Variants in EFTUD2 observed in about 807,000 individuals in gnomAD.
EFTUD2 encodes the protein 116 kDa U5 small nuclear ribonucleoprotein component.
In EFTUD2, 9 loss-of-function variants were observed where a neutral mutation model predicts 114.3. The observed-to-expected ratio is 0.08, with a 90% CI of 0.05 to 0.14. EFTUD2 has a LOEUF of 0.14. Ranked by LOEUF, EFTUD2 falls within the 10% of genes least tolerant of loss-of-function variation. The pLI is 1.00. For synonymous variants in EFTUD2, 449 were observed against 462.3 expected (o/e 0.97, Z 0.37); for missense variants, 765 against 1,241.2 (o/e 0.62, Z 5.76).
intron 10 of EFTUD2, among the ~76,000 whole-genome samples, chr17:44,874,572 A>T (rs2050912919): frequency 6.6e-6 from 1 of 152,216 alleles, no homozygotes; most frequent in Non-Finnish European, 1.5e-5. Context: ...TTTCAGTAGG[A>T]CGGCCTCCTC....
Position 44,850,885 on chromosome 17 carries a change from G to A in EFTUD2, c.*389C>T, listed in dbSNP as rs1043750721. 75 of 243,640 alleles carry A rather than the reference G, an allele frequency of 3.1e-4. No homozygotes were observed. The highest frequency in any genetic ancestry group is 1.6e-3 in the African/African-American group (74 of 45,544). 15.1% of individuals were successfully genotyped at this position (243,640 alleles called of 1,614,324 possible). On this transcript the variant is annotated 3_prime_UTR_variant, in exon 28 of 28. Transcript: ENST00000426333. ...AAGCACCAGACGGGGCAGGGGAGAC[G>A]AGGATGAAAGGAGCAGAGCAAGACA... is the stretch of plus-strand genomic sequence containing the variant.
intron 2 of EFTUD2, among the ~76,000 whole-genome samples, chr17:44,887,735 A>AT (rs2051200075): frequency 6.6e-6 from 1 of 152,180 alleles, no homozygotes; most frequent in Non-Finnish European, 1.5e-5. Context: ...GATAATGGAA[A>AT]TGTTCTAAAA....
intron 11 of EFTUD2, among the ~76,000 whole-genome samples, chr17:44,869,307 T>C (rs991254169): frequency 1.3e-5 from 2 of 152,172 alleles, no homozygotes; most frequent in Admixed American, 6.5e-5. Context: ...TCACTGAACT[T>C]TTTTTCTTTG....
intron 11 of EFTUD2, among the ~76,000 whole-genome samples, chr17:44,871,936 G>A (rs2050862588): frequency 1.3e-5 from 2 of 152,202 alleles, no homozygotes; most frequent in South Asian, 4.1e-4. Flanking sequence ...CTCACAGTGG[G>A]AATCTGGTCT....
At position 44,850,056 on chromosome 17, in the gene EFTUD2, C is replaced by G; in HGVS notation, c.*1218G>C. On this transcript the variant is annotated 3_prime_UTR_variant, in exon 28 of 28. Coordinates refer to ENST00000426333, the MANE Select transcript of EFTUD2 (RefSeq NM_004247.4). ...CTCAGTTTCCTGATGTGTAACATGACAATAACCACCCCTGGCCTGCCTACC... is the reference window on the plus strand; with the variant it reads ...CTCAGTTTCCTGATGTGTAACATGAGAATAACCACCCCTGGCCTGCCTACC... 1 of 344,032 alleles carries G rather than the reference C, an allele frequency of 2.9e-6. No homozygotes were observed. 21.3% of individuals were successfully genotyped at this position (344,032 alleles called of 1,614,324 possible).
At chr17:44,892,233 ATC>A (rs1374007880) in intron 2 of EFTUD2, 1 of 152,144 alleles carries the variant, frequency 6.6e-6, no homozygotes, top group East Asian at 1.9e-4. Context: ...CCCCTATGTA[ATC>A]TCAGCATTTT....
At chr17:44,855,807 G>A (rs1246957210) in intron 20 of EFTUD2, among the ~76,000 whole-genome samples, 1 of 151,506 alleles carries the variant, frequency 6.6e-6, no homozygotes, top group Non-Finnish European at 1.5e-5. Flanking sequence ...AAATTAGCTG[G>A]GTGTGGTGAC....
intron 13 of EFTUD2, among the ~76,000 whole-genome samples, chr17:44,866,296 G>A (rs1381341443): frequency 6.6e-6 from 1 of 152,208 alleles, no homozygotes; most frequent in Non-Finnish European, 1.5e-5. Context: ...AGGCTGGAAT[G>A]CAGTGGTGTG....
At chr17:44,885,486 G>T in intron 3 of EFTUD2, 152 bp from the exon 4 acceptor site, 1 of 636,292 alleles carries the variant, frequency 1.6e-6, no homozygotes, top group Non-Finnish European at 2.8e-6. Flanking sequence ...AGAAAGTTTT[G>T]GAAATGCTGT....
intron 3 of EFTUD2, 39 bp downstream of exon 3, chr17:44,886,546 T>C: frequency 6.2e-7 from 1 of 1,601,888 alleles, no homozygotes; most frequent in Non-Finnish European, 8.5e-7. Flanking sequence ...TTTCCAGGTT[T>C]CAATTTCACT....
At chr17:44,876,733 G>T (rs1355503194) in intron 9 of EFTUD2, among the ~76,000 whole-genome samples, 1 of 151,762 alleles carries the variant, frequency 6.6e-6, no homozygotes, top group Non-Finnish European at 1.5e-5. Context: ...GGCACCTGTA[G>T]TCCCAGCTAC....
chr17:44,880,443 T>G, intron 8 of EFTUD2, 111 bp downstream of exon 8: 2 of 702,084 alleles, frequency 2.8e-6, no homozygotes, highest in Non-Finnish European at 2.4e-6. Flanking sequence ...TCAATGAAGG[T>G]GAGGGAATGT....
chr17:44,874,535 G>A (rs1018852746), intron 10 of EFTUD2, among the ~76,000 whole-genome samples: 2 of 152,156 alleles, frequency 1.3e-5, no homozygotes, highest in African/African-American at 2.4e-5. Context: ...TAAATGGAGA[G>A]GCATTCTTTC....
rs2050412808 is a variant in EFTUD2 at position 44,850,105 on chromosome 17, C to T, written c.*1169G>A. The stretch of plus-strand genomic sequence containing the variant: ...CCTTGCAGGCTGCTGTGAGGTTTCT[C>T]AGATACACAATACATGTGAAAGTGT... On this transcript the variant is annotated 3_prime_UTR_variant, in exon 28 of 28. Coordinates refer to ENST00000426333, the MANE Select transcript of EFTUD2 (RefSeq NM_004247.4). The T allele has an allele frequency of 4.3e-6, 2 of 466,016 alleles. No homozygotes were observed. The highest frequency in any genetic ancestry group is 6.6e-5 in the Admixed American group (2 of 30,118). 28.9% of individuals were successfully genotyped at this position (466,016 alleles called of 1,614,324 possible). A position where few individuals can be genotyped will look rare whatever the true frequency, so the allele number is the denominator to read the frequency against.
rs202167305 is a variant in EFTUD2 at position 44,851,331 on chromosome 17, A to G, written c.2862T>C (p.Asp954=). The G allele has an allele frequency of 1.1e-4, 182 of 1,614,192 alleles. 1 individual carries two copies. The East Asian group carries it at 3.6e-3, about 32-fold the overall frequency. ...SEDVSISKFF[D]DPMLLELAKQ... Reference sequence around the variant, plus strand: ...TGGCAAGTTCCAGCAACATAGGATCATCGAAGAATTTGCTGATGCTCACAT... The same window carrying G: ...TGGCAAGTTCCAGCAACATAGGATCGTCGAAGAATTTGCTGATGCTCACAT... The change falls in exon 28 of 28, where the codon GAT becomes GAC. Residue 954 remains aspartate (D), a synonymous_variant. Transcript: ENST00000426333.
chr17:44,857,249 C>T, intron 19 of EFTUD2, 92 bp from the exon 20 acceptor site: 3 of 1,081,828 alleles, frequency 2.8e-6, no homozygotes, highest in Non-Finnish European at 4.2e-6. Context: ...TCCCTTGACA[C>T]TACCTCTGTG....
intron 2 of EFTUD2, among the ~76,000 whole-genome samples, chr17:44,887,923 AC>A (rs1282165925): frequency 6.6e-6 from 1 of 152,248 alleles, no homozygotes; most frequent in Non-Finnish European, 1.5e-5. Flanking sequence ...TAAGGTGGCC[AC>A]CAGATCACCC....
chr17:44,867,285 C>A (rs188424936), intron 13 of EFTUD2, among the ~76,000 whole-genome samples: 22 of 151,276 alleles, frequency 1.5e-4, no homozygotes, highest in Admixed American at 1.5e-3. Context: ...CATACCTTTT[C>A]CCTTTCCTTT....
chr17:44,875,394 G>T (rs71373522), intron 10 of EFTUD2, among the ~76,000 whole-genome samples: 1 of 152,054 alleles, frequency 6.6e-6, no homozygotes, highest in East Asian at 1.9e-4. Context: ...GCCGGGCGTG[G>T]TGACGGGTGC....
Sources: gnomAD v4.1 joint callset for allele counts (sites outside exome capture counted in the v4.1 genomes callset) on GRCh38, gnomAD v4.1.1 for gene constraint, MANE v1.5 for transcripts, NCBI Gene and HGNC (gene_info 2026-07-23, HGNC 2026-07-21) for gene names.